Variants in GON4L observed in about 807,000 individuals in gnomAD.
GON4L encodes gon-4 like.
GON4L carries 87 observed loss-of-function variants against 211.8 expected under a neutral mutation model. The ratio of observed to expected loss-of-function variants is 0.41; its 90% CI spans 0.35 to 0.49. GON4L has a LOEUF of 0.49. GON4L is among the 20% of genes least tolerant of loss of function. GON4L has a pLI of 0.15. For missense variants in GON4L, 2,155 were observed against 2,659.5 expected (o/e 0.81, Z 4.17); for synonymous variants, 875 against 962.6 (o/e 0.91, Z 1.68).
chr1:155,750,769 T>C, intron 31 of GON4L, 36 bp from the exon 32 acceptor site: 2 of 1,550,086 alleles, frequency 1.3e-6, no homozygotes, highest in Non-Finnish European at 1.7e-6. Context: ...ACTGGTCTTT[T>C]TTTTTTGTTT....
intron 11 of GON4L, among the ~76,000 whole-genome samples, chr1:155,804,289 T>C (rs565952220): frequency 5.5e-4 from 83 of 152,126 alleles, no homozygotes; most frequent in Non-Finnish European, 9.4e-4. Flanking sequence ...CTGAGGACGA[T>C]CTCTTGAGCC....
At chr1:155,778,466 C>T (rs550224226) in intron 14 of GON4L, among the ~76,000 whole-genome samples, 7 of 152,206 alleles carry the variant, frequency 4.6e-5, no homozygotes, top group East Asian at 1.9e-4. Flanking sequence ...TTAGCCAGGA[C>T]GGTCTCCATC....
downstream of GON4L, chr1:155,748,239 CTG>C: frequency 1.6e-6 from 2 of 1,281,250 alleles, no homozygotes; most frequent in South Asian, 2.8e-5. Context: ...TTGAACTCAG[CTG>C]TGATGTGGCC....
rs5777956 is a variant in GON4L, at chr1:155,807,091, CA to C, written c.1453-1951del. Among the ~76,000 whole-genome samples the C allele has an allele frequency of 8.6e-3, 1,028 of 119,478 alleles. 10 individuals carry two copies. The highest frequency in any genetic ancestry group is 0.033 in the African/African-American group (958 of 29,030). 78.4% of individuals were successfully genotyped at this position (119,478 alleles called of 152,430 possible). A position where few individuals can be genotyped will look rare whatever the true frequency, so the allele number is the denominator to read the frequency against. ...TCCAACCTAAGCAAGAGAGACATCT[CA>C]AAAAAAAAAAAAAAACAGGGCCAGG... On this transcript the variant is annotated intron_variant, in intron 10 of 31. Coordinates refer to ENST00000368331, the MANE Select transcript of GON4L (RefSeq NM_001282860.2).
chr1:155,784,903 A>C, intron 13 of GON4L: 1 of 289,286 alleles, frequency 3.5e-6, no homozygotes, highest in South Asian at 3.6e-5. Flanking sequence ...GCTTGAGCCC[A>C]GAAGTTCCAG....
intron 25 of GON4L, 149 bp from the exon 26 acceptor site, chr1:155,757,472 TTTCTC>T: frequency 1.4e-6 from 1 of 699,726 alleles, no homozygotes; most frequent in East Asian, 2.6e-5. Flanking sequence ...ATACTAAAAC[TTTCTC>T]TTCCTCCTTA....
chr1:155,828,020 T>C (rs1323603252), intron 2 of GON4L, among the ~76,000 whole-genome samples: 1 of 151,930 alleles, frequency 6.6e-6, no homozygotes, highest in Non-Finnish European at 1.5e-5. Flanking sequence ...TAGCTGGGTG[T>C]GTTGGTACAC....
rs1191383697 is a variant in GON4L at position 155,816,238 on chromosome 1, G to A, written c.1039C>T (p.Pro347Ser). The A allele has an allele frequency of 7.5e-7, 1 of 1,325,398 alleles. No individual in the cohort carries two copies. Among genetic ancestry groups the A allele is most frequent in the South Asian group, 1.2e-5 (1 of 84,550 alleles). The allele number at this position is 1,325,398 out of a possible 1,614,324, so 82.1% of individuals were successfully genotyped here. A position where few individuals can be genotyped will look rare whatever the true frequency, so the allele number is the denominator to read the frequency against. ...GVVIPTWNIS[P>S]IKKANEIKPP... ...TTAATTTCATTGGCCTTCTTAATTG[G>A]TGAAATATTCCATGTTGGAATTACC... Residue 347 changes from proline (P) to serine (S), a missense_variant, in exon 7 of 32, where the codon CCA becomes TCA. Around this residue, in one of 6 missense-constraint regions of GON4L, gnomAD observed 551 missense variants for 854.0 expected, o/e 0.65. Coordinates refer to ENST00000368331, the MANE Select transcript of GON4L (RefSeq NM_001282860.2).
intron 12 of GON4L, among the ~76,000 whole-genome samples, chr1:155,786,617 C>A (rs886913334): frequency 6.6e-6 from 1 of 152,240 alleles, no homozygotes; most frequent in East Asian, 1.9e-4. Context: ...AGAACTCCAT[C>A]GGTGACTTAG....
At chr1:155,830,564 A>AC (rs1669664247) in intron 2 of GON4L, among the ~76,000 whole-genome samples, 1 of 151,956 alleles carries the variant, frequency 6.6e-6, no homozygotes, top group South Asian at 2.1e-4. Flanking sequence ...GGCACGAGCC[A>AC]CCGCACTTGG....
At chr1:155,780,021 A>G (rs1357240031) in intron 14 of GON4L, among the ~76,000 whole-genome samples, 1 of 151,322 alleles carries the variant, frequency 6.6e-6, no homozygotes, top group Non-Finnish European at 1.5e-5. Context: ...CTAGTCTCGA[A>G]CCACTGACCT....
At chr1:155,752,624 C>G (rs35080717) in intron 29 of GON4L, 34 bp from the exon 30 acceptor site, 33 of 1,558,996 alleles carry the variant, frequency 2.1e-5, no homozygotes, top group Middle Eastern at 1.9e-4. Context: ...AGGGTACTGT[C>G]AGGTTCAAGA....
chr1:155,831,179 G>A (rs764645626), intron 2 of GON4L, among the ~76,000 whole-genome samples: 5 of 152,056 alleles, frequency 3.3e-5, no homozygotes, highest in Non-Finnish European at 5.9e-5. Flanking sequence ...CACACCTGTA[G>A]TCCCAGCTAC....
intron 19 of GON4L, among the ~76,000 whole-genome samples, chr1:155,768,680 A>C (rs1483044150): frequency 6.6e-6 from 1 of 151,132 alleles, no homozygotes; most frequent in East Asian, 2.0e-4. Context: ...CCTGGGCTCA[A>C]GTAATTCTCC....
At chr1:155,753,510 G>A in intron 28 of GON4L, 96 bp from the exon 29 acceptor site, 1 of 846,796 alleles carries the variant, frequency 1.2e-6, no homozygotes, top group East Asian at 2.4e-5. Flanking sequence ...TGCTCATCAA[G>A]TCAACCCACA....
At chr1:155,801,525 A>G (rs1036544309) in intron 11 of GON4L, among the ~76,000 whole-genome samples, 4 of 152,148 alleles carry the variant, frequency 2.6e-5, no homozygotes, top group African/African-American at 7.2e-5. Flanking sequence ...AAGAAATATG[A>G]TAAGATTTAA....
At chr1:155,804,176 GT>G (rs1666933296) in intron 11 of GON4L, among the ~76,000 whole-genome samples, 1 of 151,986 alleles carries the variant, frequency 6.6e-6, no homozygotes, top group East Asian at 2.0e-4. Flanking sequence ...TGAGGCAGGA[GT>G]TTAAGACCAG....
intron 11 of GON4L, among the ~76,000 whole-genome samples, chr1:155,797,642 G>A (rs1458853827): frequency 2.0e-5 from 3 of 147,796 alleles, no homozygotes; most frequent in Non-Finnish European, 3.0e-5. Context: ...TCAGGGGTTC[G>A]AGACCAGCCT....
chr1:155,773,542 T>G, intron 17 of GON4L: 1 of 273,744 alleles, frequency 3.7e-6, no homozygotes, highest in Non-Finnish European at 7.0e-6. Flanking sequence ...CTTCCCCCCT[T>G]AAATACTTGA....
Sources: gnomAD v4.1 joint callset for allele counts (sites outside exome capture counted in the v4.1 genomes callset) on GRCh38, gnomAD v4.1.1 for gene constraint, gnomAD v4.1.1 regional missense constraint, MANE v1.5 for transcripts, NCBI Gene and HGNC (gene_info 2026-07-23, HGNC 2026-07-21) for gene names.